The following SGTA variants were observed in gnomAD, a reference collection of about 807,000 sequenced individuals.
SGTA encodes the protein small glutamine rich tetratricopeptide repeat co-chaperone alpha.
SGTA carries 22 observed loss-of-function variants against 44.3 expected under a neutral mutation model. The observed-to-expected ratio is 0.50, with a 90% confidence interval of 0.36 to 0.71. SGTA has a LOEUF of 0.71. SGTA is among the 30% of genes least tolerant of loss of function. SGTA has a pLI of 0.00. For synonymous variants in SGTA, 174 were observed against 177.6 expected (o/e 0.98, Z 0.16); for missense variants, 341 against 435.9 (o/e 0.78, Z 1.94).
chr19:2,769,775 T>C (rs1181313773), intron 1 of SGTA, among the ~76,000 whole-genome samples: 1 of 99,110 alleles, frequency 1.0e-5, no homozygotes, highest in African/African-American at 3.9e-5. Context: ...CACCCTCCTG[T>C]GCCCCCCTCG....
chr19:2,774,492 T>C (rs1416850247), intron 1 of SGTA, among the ~76,000 whole-genome samples: 1 of 152,180 alleles, frequency 6.6e-6, no homozygotes, highest in Admixed American at 6.5e-5. Flanking sequence ...ATGTCCATTT[T>C]AACTTTAAGT....
At chr19:2,760,606 G>A (rs889308023) in intron 8 of SGTA, among the ~76,000 whole-genome samples, 2 of 151,634 alleles carry the variant, frequency 1.3e-5, no homozygotes, top group Non-Finnish European at 1.5e-5. Context: ...GATGTCTGAA[G>A]GGAAAAGGCG....
chr19:2,759,039 G>A (rs1191396989), intron 9 of SGTA, among the ~76,000 whole-genome samples: 1 of 152,150 alleles, frequency 6.6e-6, no homozygotes, highest in Admixed American at 6.5e-5. Flanking sequence ...GATGAAGATG[G>A]GTTGGTGCTC....
chr19:2,757,923 G>GAGAGA, intron 9 of SGTA, 141 bp from the exon 10 acceptor site: 1 of 540,852 alleles, frequency 1.8e-6, no homozygotes, highest in Non-Finnish European at 3.2e-6. Flanking sequence ...ACCACCTGGT[G>GAGAGA]GGCCTCCAGG....
intron 8 of SGTA, among the ~76,000 whole-genome samples, chr19:2,760,064 G>A (rs1914940036): frequency 2.6e-5 from 4 of 152,168 alleles, no homozygotes; most frequent in Admixed American, 6.6e-5. Flanking sequence ...TTGAAAGGAG[G>A]TGGCTCAGAG....
At chr19:2,760,835 G>A (rs942200014) in intron 8 of SGTA, among the ~76,000 whole-genome samples, 9 of 152,144 alleles carry the variant, frequency 5.9e-5, no homozygotes, top group South Asian at 2.1e-4. Context: ...TTTTCTCCCC[G>A]ACAGCCTTAG....
At chr19:2,769,432 G>A (rs1915238243) in intron 1 of SGTA, among the ~76,000 whole-genome samples, 1 of 152,186 alleles carries the variant, frequency 6.6e-6, no homozygotes, top group Admixed American at 6.5e-5. Flanking sequence ...GGCATGAGGT[G>A]GGTGGGGGCC....
At chr19:2,759,966 G>A (rs1914937401) in intron 8 of SGTA, among the ~76,000 whole-genome samples, 1 of 151,634 alleles carries the variant, frequency 6.6e-6, no homozygotes, top group Admixed American at 6.6e-5. Context: ...TCTCAAAAAA[G>A]AAGTAAAAAT....
Position 2,761,644 on chromosome 19 carries a change from G to C in SGTA, c.637-122C>G. 3 of 817,712 alleles carry C rather than the reference G, an allele frequency of 3.7e-6. No homozygotes were observed. Among genetic ancestry groups the C allele is most frequent in the African/African-American group, 1.7e-5 (1 of 59,050 alleles). 50.7% of individuals were successfully genotyped at this position (817,712 alleles called of 1,614,324 possible). On this transcript the variant is annotated intron_variant, in intron 7 of 11. Transcript: ENST00000221566. The surrounding 1 kb of genome is among the most constrained non-coding windows in gnomAD (Gnocchi z 5.7). ...AGACATTCTATCAACCCTGCGGCCA[G>C]AGGGTGCTTTGAGGCAGGCAGCACG...
chr19:2,782,373 G>A (rs943921047), intron 1 of SGTA, among the ~76,000 whole-genome samples: 1 of 152,180 alleles, frequency 6.6e-6, no homozygotes, highest in Non-Finnish European at 1.5e-5. Flanking sequence ...CCTCTGAAGG[G>A]CACACTACAC....
intron 2 of SGTA, among the ~76,000 whole-genome samples, chr19:2,768,261 C>T (rs1407301871): frequency 2.0e-5 from 3 of 152,150 alleles, no homozygotes; most frequent in East Asian, 1.9e-4. Context: ...GCCGCCTCCT[C>T]GTGTGGACCC....
Position 2,767,170 on chromosome 19 carries a change from C to A in SGTA, c.258G>T (p.Glu86Asp), listed in dbSNP as rs771088369. Residue 86 changes from glutamate (E) to aspartate (D), a missense_variant, in exon 4 of 12, where the codon GAG (glutamate) becomes GAT (aspartate). Transcript: ENST00000221566. The surrounding 1 kb of genome is among the most constrained non-coding windows in gnomAD (Gnocchi z 7.3). ...RSPARTPPSEEDSAEAERLKT... is the reference protein window; with the variant it reads ...RSPARTPPSEDDSAEAERLKT... ...TGAGGCGCTCTGCCTCTGCTGAGTC[C>A]TCCTCGGAAGGCGGGGTTCGCGCGG... is the stretch of plus-strand genomic sequence containing the variant. The A allele has an allele frequency of 1.9e-5, 30 of 1,613,006 alleles. No individual in the cohort carries two copies. The highest frequency in any genetic ancestry group is 2.5e-5 in the Non-Finnish European group (30 of 1,179,654).
Position 2,755,638 on chromosome 19 carries a change from C to T in SGTA, c.*302G>A. The stretch of plus-strand genomic sequence containing the variant: ...CTTCTCTGAGAGCGGCCCGGGAGCA[C>T]CCCAGGATTCTAGAAAACACTCAAG... On this transcript the variant is annotated 3_prime_UTR_variant, in exon 12 of 12. Coordinates refer to ENST00000221566, the MANE Select transcript of SGTA (RefSeq NM_003021.4). This position sits in a 1 kb window ranked among gnomAD's most constrained non-coding sequence, Gnocchi z 5.2. The T allele has an allele frequency of 6.1e-6, 6 of 985,446 alleles. No individual in the cohort carries two copies. The highest frequency in any genetic ancestry group is 7.2e-6 in the Non-Finnish European group (6 of 829,938). 61.0% of individuals were successfully genotyped at this position (985,446 alleles called of 1,614,324 possible). A position where few individuals can be genotyped will look rare whatever the true frequency, so the allele number is the denominator to read the frequency against.
chr19:2,759,533 T>C (rs900951644), intron 8 of SGTA: 4 of 545,008 alleles, frequency 7.3e-6, no homozygotes, highest in Non-Finnish European at 1.3e-5. Context: ...AGGAGCGATC[T>C]CGCAGCGCCA....
chr19:2,764,603 C>G (rs1210157728), intron 5 of SGTA, among the ~76,000 whole-genome samples: 1 of 151,580 alleles, frequency 6.6e-6, no homozygotes, highest in African/African-American at 2.4e-5. Flanking sequence ...GAGACAGAGT[C>G]TCCCTGTCAC....
intron 1 of SGTA, among the ~76,000 whole-genome samples, chr19:2,774,127 C>G (rs1260977032): frequency 6.6e-6 from 1 of 152,230 alleles, no homozygotes; most frequent in African/African-American, 2.4e-5. Context: ...TTTCAGCTGC[C>G]TGGTCTATGG....
intron 1 of SGTA, among the ~76,000 whole-genome samples, chr19:2,775,422 C>T (rs988977819): frequency 6.6e-6 from 1 of 152,252 alleles, no homozygotes; most frequent in Admixed American, 6.5e-5. Flanking sequence ...TGACGTCAGA[C>T]TCAGATGACA....
rs928333415 is a variant in SGTA, at chr19:2,765,510, G to A, written c.293-225C>T. Among the ~76,000 whole-genome samples the A allele has an allele frequency of 2.0e-5, 3 of 152,198 alleles. No homozygotes were observed. The highest frequency in any genetic ancestry group is 2.9e-5 in the Non-Finnish European group (2 of 68,032). On this transcript the variant is annotated intron_variant, in intron 4 of 11. Transcript: ENST00000221566. This position sits in a 1 kb window ranked among gnomAD's most constrained non-coding sequence, Gnocchi z 5.5. ...CATATCTACATCCACTAAGGGGGAT[G>A]GAGGTGGGGGCGGCAGGGCCTGGCC... is the stretch of plus-strand genomic sequence containing the variant.
intron 1 of SGTA, among the ~76,000 whole-genome samples, chr19:2,773,857 ACAC>A (rs1915374831): frequency 1.3e-5 from 1 of 77,548 alleles, no homozygotes; most frequent in African/African-American, 8.7e-5. Flanking sequence ...CACGGCAGGG[ACAC>A]CGAGGGCAGA....
Sources: allele counts gnomAD v4.1 joint callset (sites outside exome capture counted in the v4.1 genomes callset), GRCh38; gene constraint gnomAD v4.1.1; non-coding constraint Gnocchi (gnomAD v3.1); transcripts MANE v1.5; gene names NCBI Gene and HGNC (gene_info 2026-07-23, HGNC 2026-07-21).